Variants in HOMER2 observed in about 807,000 individuals in gnomAD.
The protein encoded by HOMER2 is homer protein homolog 2.
In HOMER2, 27 loss-of-function variants were observed where a neutral mutation model predicts 47.0. The observed-to-expected ratio is 0.57, with a 90% confidence interval of 0.42 to 0.79. The LOEUF is 0.79. Among genes scored for constraint, HOMER2 ranks in the 30% least tolerant of loss-of-function variants. The probability of loss-of-function intolerance (pLI) is 0.00; values close to 1 mark genes in which losing one functional copy is unlikely to be tolerated. For synonymous variants in HOMER2, 161 were observed against 163.8 expected (o/e 0.98, Z 0.13); for missense variants, 443 against 435.0 (o/e 1.02, Z -0.16).
At chr15:82,942,219 A>C (rs2054280937) in intron 1 of HOMER2, among the ~76,000 whole-genome samples, 1 of 152,224 alleles carries the variant, frequency 6.6e-6, no homozygotes, top group Non-Finnish European at 1.5e-5. Flanking sequence ...CTCACCAGCC[A>C]TCTCCCTCAG....
At chr15:82,984,647 A>G (rs1944273746) in intron 1 of HOMER2, among the ~76,000 whole-genome samples, 1 of 152,174 alleles carries the variant, frequency 6.6e-6, no homozygotes, top group East Asian at 1.9e-4. Context: ...GCAAAATTCC[A>G]TCTCTACAAA....
At chr15:82,877,140 G>T (rs1240459681) in intron 2 of HOMER2, among the ~76,000 whole-genome samples, 1 of 152,160 alleles carries the variant, frequency 6.6e-6, no homozygotes, top group Non-Finnish European at 1.5e-5. Flanking sequence ...TTTCACAGAA[G>T]TAACTGAGAT....
intron 3 of HOMER2, among the ~76,000 whole-genome samples, chr15:82,865,442 G>A (rs534872809): frequency 3.9e-5 from 6 of 152,208 alleles, no homozygotes; most frequent in African/African-American, 1.2e-4. Flanking sequence ...GTGAATGAAC[G>A]AGTTTTAGGC....
At position 82,854,922 on chromosome 15, in the gene HOMER2, A is replaced by C. The variant is rs1596303350; in HGVS notation, c.495-122T>G. The C allele has an allele frequency of 4.3e-6, 5 of 1,166,634 alleles. No homozygotes were observed. The East Asian group carries it at 1.2e-4, about 28-fold the overall frequency. 72.3% of individuals were successfully genotyped at this position (1,166,634 alleles called of 1,614,324 possible). ...CCTGGGGGGCCCACGCCCTCTCCCC[A>C]CAGTAAGCTGGCAGGTGGGTCTGGC... On this transcript the variant is annotated intron_variant, in intron 5 of 8. Transcript: ENST00000450735.
intron 1 of HOMER2, among the ~76,000 whole-genome samples, chr15:82,934,683 C>A (rs2054101448): frequency 6.6e-6 from 1 of 152,190 alleles, no homozygotes; most frequent in African/African-American, 2.4e-5. Flanking sequence ...CGAACCCCAG[C>A]CTGATGCCTT....
chr15:82,922,915 C>T (rs1222244584), intron 1 of HOMER2, among the ~76,000 whole-genome samples: 1 of 152,144 alleles, frequency 6.6e-6, no homozygotes, highest in Non-Finnish European at 1.5e-5. Context: ...GCTCATGTCA[C>T]CCCTGCACTG....
chr15:82,917,033 C>T (rs1285434083), intron 1 of HOMER2, among the ~76,000 whole-genome samples: 1 of 152,158 alleles, frequency 6.6e-6, no homozygotes, highest in Non-Finnish European at 1.5e-5. Context: ...ATCTCTTGAC[C>T]TTGTGATTCG....
intron 1 of HOMER2, among the ~76,000 whole-genome samples, chr15:82,944,895 G>T (rs2054341751): frequency 6.6e-6 from 1 of 152,232 alleles, no homozygotes; most frequent in Non-Finnish European, 1.5e-5. Context: ...AGCAGAAGGG[G>T]GCCTTCGAGG....
In HOMER2 at chr15:82,852,166, C is replaced by T. The variant is rs1382021321; in HGVS notation, c.738G>A (p.Glu246=). Residue 246 remains glutamate (E), a synonymous_variant, in exon 7 of 9, where the codon GAG becomes GAA. Transcript: ENST00000450735. ...TQLKRRIEEL[E]AELREKETEL... ...CTGTCTCCTTTTCTCGGAGCTCTGC[C>T]TCCAGCTCCTCGATCCTCCTCTTCA... 8.7e-6 allele frequency: 14 copies of T among 1,613,492 alleles called. No individual in the cohort carries two copies. The highest frequency in any genetic ancestry group is 1.2e-5 in the Non-Finnish European group (14 of 1,179,532).
At chr15:82,837,239 T>TGGGCCCG (rs1477703142) in exon 2 of HOMER2, 3 of 152,234 alleles carry the variant, frequency 2.0e-5, no homozygotes, top group African/African-American at 4.8e-5. Context: ...GTGATTAGTC[T>TGGGCCCG]GGGCCCACCC....
chr15:82,903,433 A>G (rs1447444763), intron 1 of HOMER2, among the ~76,000 whole-genome samples: 1 of 151,624 alleles, frequency 6.6e-6, no homozygotes, highest in Non-Finnish European at 1.5e-5. Context: ...ACAAACATGG[A>G]GAAACCCTGT....
intron 1 of HOMER2, among the ~76,000 whole-genome samples, chr15:82,936,207 C>T (rs1013644918): frequency 6.6e-6 from 1 of 152,232 alleles, no homozygotes; most frequent in Non-Finnish European, 1.5e-5. Context: ...TCTGCACATG[C>T]GGTAGCAGCC....
At chr15:82,939,332 A>T (rs554792181) in intron 1 of HOMER2, among the ~76,000 whole-genome samples, 2 of 152,146 alleles carry the variant, frequency 1.3e-5, no homozygotes, top group Non-Finnish European at 2.9e-5. Context: ...CCACCACATG[A>T]CTCTCATGGG....
chr15:82,961,930 A>C (rs1009682613), intron 1 of HOMER2, among the ~76,000 whole-genome samples: 1 of 151,930 alleles, frequency 6.6e-6, no homozygotes, highest in Non-Finnish European at 1.5e-5. Context: ...AACCTGGCTA[A>C]TTTTTGTATT....
intron 1 of HOMER2, among the ~76,000 whole-genome samples, chr15:82,919,818 G>A (rs1349356454): frequency 6.6e-6 from 1 of 152,248 alleles, no homozygotes; most frequent in East Asian, 1.9e-4. Flanking sequence ...AGGTCAGAGA[G>A]AAGCTTCTCC....
At chr15:82,930,924 G>T (rs905276782) in intron 1 of HOMER2, among the ~76,000 whole-genome samples, 1 of 152,072 alleles carries the variant, frequency 6.6e-6, no homozygotes, top group East Asian at 1.9e-4. Context: ...TACTTGGGGG[G>T]GCTGAGGCAG....
intron 1 of HOMER2, among the ~76,000 whole-genome samples, chr15:82,914,422 A>G (rs918424542): frequency 6.6e-6 from 1 of 151,918 alleles, no homozygotes; most frequent in African/African-American, 2.4e-5. Flanking sequence ...ATGCTACAAC[A>G]TGGATGAACT....
intron 1 of HOMER2, among the ~76,000 whole-genome samples, chr15:82,904,378 A>AT (rs1355635558): frequency 6.6e-6 from 1 of 152,216 alleles, no homozygotes; most frequent in Non-Finnish European, 1.5e-5. Flanking sequence ...CTCAAGAGTT[A>AT]AAAACTCCAG....
chr15:82,906,273 T>A (rs12385964), intron 1 of HOMER2, among the ~76,000 whole-genome samples: 26,735 of 151,850 alleles, frequency 0.18, 2,652 homozygotes, highest in South Asian at 0.35. Flanking sequence ...GAAGAAAAAA[T>A]TGGAACAAAG....
Sources: gnomAD v4.1 joint callset for allele counts (sites outside exome capture counted in the v4.1 genomes callset) on GRCh38, gnomAD v4.1.1 for gene constraint, MANE v1.5 for transcripts, NCBI Gene and HGNC (gene_info 2026-07-23, HGNC 2026-07-21) for gene names.